HMCN1: variants seen among roughly 807,000 people sequenced by gnomAD.
The protein encoded by HMCN1 is hemicentin-1.
Under a neutral mutation model 625.9 loss-of-function variants are expected in HMCN1, and 321 were observed. That is an observed-to-expected ratio of 0.51 (90% confidence interval 0.47 to 0.56). The LOEUF is 0.56. Among genes scored for constraint, HMCN1 ranks in the 20% least tolerant of loss-of-function variants. HMCN1 has a pLI of 0.00. For synonymous variants in HMCN1, 2,425 were observed against 2,417.6 expected (o/e 1.00, Z -0.09); for missense variants, 6,588 against 6,887.3 (o/e 0.96, Z 1.54).
intron 2 of HMCN1, among the ~76,000 whole-genome samples, chr1:185,853,660 T>A (rs1662296404): frequency 6.6e-6 from 1 of 152,196 alleles, no homozygotes; most frequent in Non-Finnish European, 1.5e-5. Flanking sequence ...GACCCTTTTT[T>A]AGGTATCCAT....
intron 48 of HMCN1, among the ~76,000 whole-genome samples, chr1:186,064,537 C>T (rs1396738182): frequency 1.3e-5 from 2 of 151,888 alleles, no homozygotes; most frequent in Non-Finnish European, 2.9e-5. Context: ...AGGCCAGGCA[C>T]GGTGGCTCAC....
At chr1:185,981,445 A>T (rs1314080314) in intron 17 of HMCN1, among the ~76,000 whole-genome samples, 1 of 152,074 alleles carries the variant, frequency 6.6e-6, no homozygotes, top group Non-Finnish European at 1.5e-5. Flanking sequence ...ATATAATATC[A>T]TTTATTTCCA....
intron 15 of HMCN1, among the ~76,000 whole-genome samples, chr1:185,970,742 T>C (rs1344615694): frequency 6.6e-6 from 1 of 151,906 alleles, no homozygotes; most frequent in Non-Finnish European, 1.5e-5. Context: ...CACTGCAACC[T>C]CTGCACCCCA....
chr1:186,080,936 G>A (rs1398481645), intron 55 of HMCN1, among the ~76,000 whole-genome samples: 1 of 152,130 alleles, frequency 6.6e-6, no homozygotes, highest in East Asian at 1.9e-4. Flanking sequence ...ATATATTGGA[G>A]AAGAATTGAG....
At chr1:185,811,619 AAGG>A (rs1232204783) in intron 1 of HMCN1, among the ~76,000 whole-genome samples, 1 of 152,022 alleles carries the variant, frequency 6.6e-6, no homozygotes, top group East Asian at 1.9e-4. Flanking sequence ...ATAAAAAAAA[AAGG>A]AGGTGTGTGG....
rs908932046 is a variant in HMCN1, at chr1:186,187,884, T to C, written c.16416T>C (p.Asp5472=). ...QLTHNGKTCQ[D]IDECLEQNVH... is the part of the protein sequence containing the mutation. The stretch of plus-strand genomic sequence containing the variant: ...GCATGTTCCCTGTGCTGTCCCTAGA[T>C]ATCGATGAATGTCTGGAGCAGAATG... Residue 5472 remains aspartate, a splice_region_variant and synonymous_variant, in exon 106 of 107, where the codon GAT becomes GAC. Transcript: ENST00000271588. 2 of 1,613,556 alleles carry C rather than the reference T, an allele frequency of 1.2e-6. No individual in the cohort carries two copies. Among genetic ancestry groups the C allele is most frequent in the African/African-American group, 1.3e-5 (1 of 74,882 alleles).
intron 85 of HMCN1, among the ~76,000 whole-genome samples, 185 bp downstream of exon 85, chr1:186,130,882 G>A (rs972285389): frequency 1.3e-5 from 2 of 152,162 alleles, no homozygotes; most frequent in Non-Finnish European, 2.9e-5. Flanking sequence ...TCAAATAAGT[G>A]CAGTGAGATA....
At chr1:185,946,587 T>C (rs571802219) in intron 11 of HMCN1, among the ~76,000 whole-genome samples, 5 of 152,350 alleles carry the variant, frequency 3.3e-5, no homozygotes, top group African/African-American at 1.2e-4. Flanking sequence ...AAGAAAAGGC[T>C]GTGTGATAAT....
chr1:185,910,818 C>G (rs1369701571), intron 5 of HMCN1, among the ~76,000 whole-genome samples: 2 of 152,108 alleles, frequency 1.3e-5, no homozygotes, highest in African/African-American at 2.4e-5. Context: ...ATCTGCCCAC[C>G]TCGGCCTCCC....
chr1:185,832,762 G>A (rs1436679526), intron 1 of HMCN1, among the ~76,000 whole-genome samples: 1 of 152,074 alleles, frequency 6.6e-6, no homozygotes, highest in Admixed American at 6.5e-5. Flanking sequence ...GATTAATAAA[G>A]TTTACTTACT....
intron 2 of HMCN1, among the ~76,000 whole-genome samples, chr1:185,850,779 T>TC (rs1211430163): frequency 6.6e-6 from 1 of 152,174 alleles, no homozygotes; most frequent in Non-Finnish European, 1.5e-5. Context: ...ATTTTCTTTT[T>TC]TTTTTCTCCC....
At chr1:186,145,669 G>A in intron 92 of HMCN1, 84 bp from the exon 93 acceptor site, 1 of 1,611,042 alleles carries the variant, frequency 6.2e-7, no homozygotes, top group Non-Finnish European at 8.5e-7. Flanking sequence ...AATGAAAGTT[G>A]TATAGGCAGG....
At chr1:185,814,444 A>G (rs1380823580) in intron 1 of HMCN1, among the ~76,000 whole-genome samples, 2 of 152,112 alleles carry the variant, frequency 1.3e-5, no homozygotes, top group African/African-American at 2.4e-5. Context: ...CTGAGAAATT[A>G]CTCATACTTC....
intron 15 of HMCN1, among the ~76,000 whole-genome samples, chr1:185,970,894 G>A (rs1194757495): frequency 1.3e-5 from 2 of 151,880 alleles, no homozygotes; most frequent in African/African-American, 2.4e-5. Flanking sequence ...TCCTGACCTC[G>A]TGATTCCCAC....
intron 11 of HMCN1, 56 bp from the exon 12 acceptor site, chr1:185,962,462 C>A (rs1162074334): frequency 4.1e-6 from 6 of 1,446,846 alleles, no homozygotes; most frequent in Non-Finnish European, 5.8e-6. Flanking sequence ...ACATAGGAAG[C>A]TTCTAACATC....
intron 104 of HMCN1, among the ~76,000 whole-genome samples, chr1:186,181,846 G>A (rs1358733403): frequency 6.6e-6 from 1 of 152,044 alleles, no homozygotes; most frequent in Admixed American, 6.6e-5. Flanking sequence ...TTAGGATCCT[G>A]TCTACATTTG....
At chr1:186,117,651 C>A (rs113454083) in intron 77 of HMCN1, 28 bp downstream of exon 77, 1 of 1,598,994 alleles carries the variant, frequency 6.3e-7, no homozygotes, top group Non-Finnish European at 8.6e-7. Context: ...GATTTCACAT[C>A]TATTGATTGT....
Position 185,923,524 on chromosome 1 carries a change from T to C in HMCN1, c.1156T>C (p.Tyr386His). 1 of 1,612,594 alleles carries C rather than the reference T, an allele frequency of 6.2e-7. No individual in the cohort carries two copies. Among genetic ancestry groups the C allele is most frequent in the Non-Finnish European group, 8.5e-7 (1 of 1,179,060 alleles). The change falls in exon 8 of 107, where the codon TAT (tyrosine) becomes CAT (histidine). Residue 386 changes from tyrosine to histidine, a missense_variant. This residue lies in a region of HMCN1 where 4,628 missense variants were observed against 4,853.1 expected (regional missense o/e 0.95). Transcript: ENST00000271588. The stretch of plus-strand genomic sequence containing the variant: ...TAAATATTACCCACATCGAAAACCT[T>C]ATGGCATATGGAATATTTCTGACTT... ...PVKYYPHRKPYGIWNISDFVP... is the reference protein window; with the variant it reads ...PVKYYPHRKPHGIWNISDFVP...
intron 18 of HMCN1, among the ~76,000 whole-genome samples, chr1:185,982,687 C>G (rs1651729066): frequency 6.6e-6 from 1 of 151,992 alleles, no homozygotes; most frequent in Non-Finnish European, 1.5e-5. Flanking sequence ...GTGATCCATC[C>G]ACCTCGGCCT....
Sources: gnomAD v4.1 joint callset for allele counts (sites outside exome capture counted in the v4.1 genomes callset) on GRCh38, gnomAD v4.1.1 for gene constraint, gnomAD v4.1.1 regional missense constraint, MANE v1.5 for transcripts, NCBI Gene and HGNC (gene_info 2026-07-23, HGNC 2026-07-21) for gene names.